CD200R1: variants seen among roughly 807,000 people sequenced by gnomAD.
CD200R1 encodes the protein cell surface glycoprotein CD200 receptor 1.
Under a neutral mutation model 38.1 loss-of-function variants are expected in CD200R1, and 30 were observed. The observed-to-expected ratio is 0.79, with a 90% confidence interval of 0.59 to 1.07. The LOEUF (loss-of-function observed/expected upper bound fraction) is 1.07, where lower values mean the gene tolerates loss of function less well. Among genes scored for constraint, CD200R1 ranks in the 50% least tolerant of loss-of-function variants. The probability of loss-of-function intolerance (pLI) is 0.00; values close to 1 mark genes in which losing one functional copy is unlikely to be tolerated. For missense variants in CD200R1, 372 were observed against 415.4 expected (o/e 0.90, Z 0.91); for synonymous variants, 128 against 152.1 (o/e 0.84, Z 1.16).
chr3:112,970,659 AAAC>A (rs75163556), intron 1 of CD200R1, among the ~76,000 whole-genome samples: 21,741 of 152,116 alleles, frequency 0.14, 2,220 homozygotes, highest in African/African-American at 0.29. Flanking sequence ...ACATAAAATC[AAAC>A]AACAACTGGG....
chr3:112,964,292 A>C (rs191805161), intron 1 of CD200R1, among the ~76,000 whole-genome samples: 67 of 152,306 alleles, frequency 4.4e-4, no homozygotes, highest in African/African-American at 1.4e-3. Flanking sequence ...AGACCCCAGA[A>C]TGGTAGATCC....
intron 5 of CD200R1, among the ~76,000 whole-genome samples, chr3:112,927,814 T>G (rs1031622500): frequency 1.1e-4 from 16 of 152,196 alleles, no homozygotes; most frequent in Non-Finnish European, 2.1e-4. Flanking sequence ...TCTCTAGTTT[T>G]GTCAATAGGC....
rs772010207 is a variant in CD200R1 at position 112,928,787 on chromosome 3, T to TA, written c.769+28dup. ...ACTCTTTTAAAAGAATGGAAAAAAA[T>TA]AAAAAATAAAACTAAAAGAATTACT... On this transcript the variant is annotated intron_variant, in intron 5 of 7. Coordinates refer to ENST00000308611, the MANE Select transcript of CD200R1 (RefSeq NM_138806.4). The TA allele has an allele frequency of 2.0e-5, 30 of 1,521,834 alleles. 1 individual carries two copies. In the South Asian group the frequency reaches 3.5e-4, roughly 18 times the overall value. 94.3% of individuals were successfully genotyped at this position (1,521,834 alleles called of 1,614,324 possible).
In CD200R1 at chr3:112,923,750, TAGAG is replaced by T; in HGVS notation, c.970_973del (p.Leu324MetfsTer7). On this transcript the variant is annotated frameshift_variant, in exon 8 of 8. Coordinates refer to ENST00000308611, the MANE Select transcript of CD200R1 (RefSeq NM_138806.4). LOFTEE classifies it low-confidence loss of function (END_TRUNC). ...TGCCTTCACCTTGTTTGTAGTATCA[TAGAG>T]AGGATTGTTCTTCTCTGTGTAGCTG... 1 of 1,609,232 alleles carries T rather than the reference TAGAG, an allele frequency of 6.2e-7. No individual in the cohort carries two copies.
At chr3:112,930,776 A>C (rs1940411610) in intron 3 of CD200R1, among the ~76,000 whole-genome samples, 1 of 152,186 alleles carries the variant, frequency 6.6e-6, no homozygotes, top group Admixed American at 6.5e-5. Flanking sequence ...CATGGTTTGT[A>C]CTCTAGCCCT....
intron 1 of CD200R1, among the ~76,000 whole-genome samples, chr3:112,949,407 G>C (rs1279731823): frequency 1.3e-5 from 2 of 152,186 alleles, no homozygotes; most frequent in African/African-American, 2.4e-5. Context: ...TTAGCAAACT[G>C]TTCTTTTAAG....
chr3:112,944,753 A>G (rs1940807916), intron 2 of CD200R1, among the ~76,000 whole-genome samples: 1 of 152,100 alleles, frequency 6.6e-6, no homozygotes, highest in Admixed American at 6.5e-5. Flanking sequence ...GAAAGAATTG[A>G]CCAAAAAAAC....
In CD200R1 at chr3:112,968,855, C is replaced by A. The variant is rs187680495; in HGVS notation, c.67+5936G>T. 2.6e-5 allele frequency among the ~76,000 whole-genome samples: 4 copies of A among 152,250 alleles called. No individual in the cohort carries two copies. In the East Asian group the frequency reaches 7.7e-4, roughly 29 times the overall value. On this transcript the variant is annotated intron_variant, in intron 1 of 7. Transcript: ENST00000308611. ...GGTAGAGTTTGCAGTTTGGGTCCAA[C>A]CAAGTAAAATATCAACACAGCAATA...
rs150217073 is a variant in CD200R1 at position 112,954,942 on chromosome 3, G to C, written c.68-7018C>G. Among the ~76,000 whole-genome samples, 733 of 152,194 alleles carry C rather than the reference G, an allele frequency of 4.8e-3. 6 individuals are homozygous for C. The highest frequency in any genetic ancestry group is 0.017 in the African/African-American group (705 of 41,498). On this transcript the variant is annotated intron_variant, in intron 1 of 7. Transcript: ENST00000308611. ...CACAGGAAAAATAACCTGAGGCTTG[G>C]GATCTAATGTTTCCTTCAAGTATAT...
chr3:112,924,206 C>G (rs112804574), intron 7 of CD200R1, among the ~76,000 whole-genome samples: 1,597 of 151,876 alleles, frequency 0.011, 22 homozygotes, highest in South Asian at 0.031. Flanking sequence ...AAATTGGTGA[C>G]AAGAAACACC....
intron 1 of CD200R1, among the ~76,000 whole-genome samples, chr3:112,973,710 A>T (rs1275297581): frequency 2.6e-5 from 4 of 152,242 alleles, no homozygotes; most frequent in African/African-American, 7.2e-5. Flanking sequence ...TTTTAAAGTC[A>T]TTCAGAAATG....
chr3:112,923,537 A>C lies in CD200R1; in HGVS notation c.*140T>G. The C allele has an allele frequency of 1.9e-6, 1 of 516,008 alleles. No individual in the cohort carries two copies. 32.0% of individuals were successfully genotyped at this position (516,008 alleles called of 1,614,324 possible). The stretch of plus-strand genomic sequence containing the variant: ...TTCCAATTATACAAGGGTATGAATG[A>C]GAATCCATTAAAATGTCTTCTAAGA... On this transcript the variant is annotated 3_prime_UTR_variant, in exon 8 of 8. Coordinates refer to ENST00000308611, the MANE Select transcript of CD200R1 (RefSeq NM_138806.4).
intron 1 of CD200R1, among the ~76,000 whole-genome samples, chr3:112,958,394 C>CA (rs1421478797): frequency 6.6e-6 from 1 of 151,994 alleles, no homozygotes; most frequent in East Asian, 1.9e-4. Flanking sequence ...CTACATACTA[C>CA]AAAAAATACT....
chr3:112,928,647 T>C (rs1940334910), intron 5 of CD200R1, among the ~76,000 whole-genome samples, 169 bp downstream of exon 5: 1 of 152,220 alleles, frequency 6.6e-6, no homozygotes, highest in Non-Finnish European at 1.5e-5. Context: ...TTACAACAAA[T>C]GTCTGTACTA....
chr3:112,936,398 G>A (rs1940582162), intron 2 of CD200R1, among the ~76,000 whole-genome samples: 1 of 152,166 alleles, frequency 6.6e-6, no homozygotes, highest in Non-Finnish European at 1.5e-5. Flanking sequence ...CACAATGGTT[G>A]CACTAATTTA....
chr3:112,924,242 T>C (rs150164820), intron 7 of CD200R1, among the ~76,000 whole-genome samples: 22 of 152,100 alleles, frequency 1.4e-4, no homozygotes, highest in Non-Finnish European at 1.6e-4. Flanking sequence ...AAGATTACAG[T>C]CTAAAGGAGC....
At chr3:112,964,832 A>G (rs1933116659) in intron 1 of CD200R1, among the ~76,000 whole-genome samples, 1 of 152,192 alleles carries the variant, frequency 6.6e-6, no homozygotes, top group Non-Finnish European at 1.5e-5. Context: ...GTCCACATCC[A>G]AATCTCATCT....
chr3:112,928,675 C>T (rs1440251101), intron 5 of CD200R1, 141 bp downstream of exon 5: 10 of 661,870 alleles, frequency 1.5e-5, no homozygotes, highest in Non-Finnish European at 2.3e-5. Context: ...CAACTCATCT[C>T]TTTATTTTGG....
In CD200R1 at chr3:112,923,762, T is replaced by C; in HGVS notation, c.962A>G (p.Asn321Ser). The C allele has an allele frequency of 6.2e-7, 1 of 1,608,068 alleles. No homozygotes were observed. Among genetic ancestry groups the C allele is most frequent in the Non-Finnish European group, 8.5e-7 (1 of 1,176,498 alleles). Reference sequence around the variant, plus strand: ...GTTTGTAGTATCATAGAGAGGATTGTTCTTCTCTGTGTAGCTGGCATAGGG... The same window carrying C: ...GTTTGTAGTATCATAGAGAGGATTGCTCTTCTCTGTGTAGCTGGCATAGGG... ...MQPYASYTEK[N>S]NPLYDTTNKV... The change falls in exon 8 of 8, where the codon AAC becomes AGC. Residue 321 changes from asparagine to serine, a missense_variant. Asn to Ser is a conservative substitution (Grantham distance 46). Transcript: ENST00000308611.
Sources: allele counts gnomAD v4.1 joint callset (sites outside exome capture counted in the v4.1 genomes callset), GRCh38; gene constraint gnomAD v4.1.1; transcripts MANE v1.5; gene names NCBI Gene and HGNC (gene_info 2026-07-23, HGNC 2026-07-21).